The following MANBAL variants were observed in gnomAD, a reference collection of about 807,000 sequenced individuals.
The protein encoded by MANBAL is protein MANBAL.
Under a neutral mutation model 6.4 loss-of-function variants are expected in MANBAL, and 1 was observed. That is an observed-to-expected ratio of 0.16 (90% CI 0.06 to 0.74). The LOEUF (loss-of-function observed/expected upper bound fraction) is 0.74. Among genes scored for constraint, MANBAL ranks in the 30% least tolerant of loss-of-function variants. The probability of loss-of-function intolerance (pLI) is 0.78; values close to 1 mark genes in which losing one functional copy is unlikely to be tolerated. For missense variants in MANBAL, 100 were observed against 107.8 expected, an observed-to-expected ratio of 0.93 and a Z score of 0.32; for synonymous variants, 47 against 45.8, an observed-to-expected ratio of 1.03 and a Z score of -0.10.
intron 1 of MANBAL, among the ~76,000 whole-genome samples, chr20:37,290,923 T>C (rs1381426300): frequency 1.3e-5 from 2 of 152,208 alleles, no homozygotes; most frequent in African/African-American, 4.8e-5. Flanking sequence ...AACAGTAACT[T>C]CTGACACTGG....
intron 2 of MANBAL, among the ~76,000 whole-genome samples, chr20:37,309,723 G>C (rs2069339031): frequency 6.6e-6 from 1 of 152,154 alleles, no homozygotes; most frequent in Non-Finnish European, 1.5e-5. Context: ...GGCCTAGAAG[G>C]TCAGGACTCT....
intron 2 of MANBAL, among the ~76,000 whole-genome samples, chr20:37,312,797 C>CACCACGCCCAGCTGTTGTTATT (rs1310310831): frequency 6.6e-6 from 1 of 152,166 alleles, no homozygotes; most frequent in Non-Finnish European, 1.5e-5. Context: ...AAGCATGTGC[C>CACCACGCCCAGCTGTTGTTATT]ACCACGCCCA....
intron 1 of MANBAL, among the ~76,000 whole-genome samples, chr20:37,299,098 G>C (rs370695134): frequency 2.0e-5 from 3 of 151,128 alleles, no homozygotes; most frequent in Non-Finnish European, 4.4e-5. Context: ...AGGGTCGGGT[G>C]GGGGCAGGGT....
intron 2 of MANBAL, chr20:37,302,402 A>T (rs1010387079): frequency 6.6e-7 from 1 of 1,514,072 alleles, no homozygotes; most frequent in Non-Finnish European, 9.0e-7. Flanking sequence ...GCTGCTGCAC[A>T]TTTAGAGATT....
intron 1 of MANBAL, among the ~76,000 whole-genome samples, chr20:37,290,090 C>T (rs546913179): frequency 6.6e-6 from 1 of 152,310 alleles, no homozygotes; most frequent in South Asian, 2.1e-4. Flanking sequence ...CCCTCAGTTT[C>T]GTCTTCTAAA....
intron 2 of MANBAL, among the ~76,000 whole-genome samples, chr20:37,308,289 T>C (rs924348615): frequency 6.6e-6 from 1 of 152,122 alleles, no homozygotes; most frequent in Non-Finnish European, 1.5e-5. Context: ...CAGACAAAGC[T>C]GGGGTCTCCC....
At chr20:37,308,540 G>A (rs2069311021) in intron 2 of MANBAL, among the ~76,000 whole-genome samples, 1 of 152,166 alleles carries the variant, frequency 6.6e-6, no homozygotes, top group South Asian at 2.1e-4. Flanking sequence ...GGGAAGTCCT[G>A]GGATAGGTTT....
chr20:37,304,124 C>A (rs892670669), intron 2 of MANBAL, among the ~76,000 whole-genome samples: 9 of 152,180 alleles, frequency 5.9e-5, no homozygotes, highest in Admixed American at 5.2e-4. Flanking sequence ...AAATTTAAGA[C>A]TTCTTTGTGA....
chr20:37,298,812 A>G (rs2069063627), intron 1 of MANBAL: 1 of 151,202 alleles, frequency 6.6e-6, no homozygotes, highest in South Asian at 2.1e-4. Context: ...TCATTGGCTC[A>G]CTGCAGCCTA....
At chr20:37,294,324 C>T (rs2068943229) in intron 1 of MANBAL, among the ~76,000 whole-genome samples, 2 of 152,350 alleles carry the variant, frequency 1.3e-5, no homozygotes, top group Admixed American at 1.3e-4. Flanking sequence ...CAGCTACCAC[C>T]CTGGTGCAAA....
chr20:37,296,370 A>G (rs1181013976), intron 1 of MANBAL, among the ~76,000 whole-genome samples: 1 of 152,222 alleles, frequency 6.6e-6, no homozygotes, highest in African/African-American at 2.4e-5. Flanking sequence ...CTTAACAGCA[A>G]CTATTTATGT....
At chr20:37,304,333 T>C (rs2069208211) in intron 2 of MANBAL, among the ~76,000 whole-genome samples, 1 of 152,218 alleles carries the variant, frequency 6.6e-6, no homozygotes, top group Non-Finnish European at 1.5e-5. Flanking sequence ...TTATATACAA[T>C]ATTTCTCAAA....
intron 1 of MANBAL, among the ~76,000 whole-genome samples, chr20:37,293,532 C>G (rs2068920615): frequency 1.3e-5 from 2 of 152,128 alleles, no homozygotes; most frequent in Admixed American, 1.3e-4. Flanking sequence ...CTGCTGCTCA[C>G]CTCCTGCTGT....
chr20:37,299,090 G>A (rs1253607605), intron 1 of MANBAL, among the ~76,000 whole-genome samples: 1 of 150,716 alleles, frequency 6.6e-6, no homozygotes, highest in Non-Finnish European at 1.5e-5. Flanking sequence ...GTGGGGGCAG[G>A]GTCGGGTGGG....
chr20:37,299,857 GAA>G (rs1184405253), intron 1 of MANBAL, among the ~76,000 whole-genome samples: 1 of 152,222 alleles, frequency 6.6e-6, no homozygotes, highest in African/African-American at 2.4e-5. Flanking sequence ...CCAGGATTTT[GAA>G]AGAGCCCAGT....
intron 2 of MANBAL, among the ~76,000 whole-genome samples, chr20:37,305,679 CT>C (rs61317146): frequency 0.029 from 3,909 of 136,946 alleles, 34 homozygotes; most frequent in Middle Eastern, 0.07. Context: ...ACTGTTTTAA[CT>C]TTTTTTTTTT....
Position 37,294,752 on chromosome 20 carries a change from T to C in MANBAL, c.-57+5066T>C, listed in dbSNP as rs183149998. On this transcript the variant is annotated intron_variant, in intron 1 of 2. Coordinates refer to ENST00000373606, the MANE Select transcript of MANBAL (RefSeq NM_001003897.2). The stretch of plus-strand genomic sequence containing the variant: ...TTCTTCCTTCCTGTATGTATTGTAA[T>C]ACTCACCCCTGACATTGCATGTGTA... Among the ~76,000 whole-genome samples, 19 of 152,292 alleles carry C rather than the reference T, an allele frequency of 1.2e-4. No individual in the cohort carries two copies. In the East Asian group the frequency reaches 3.1e-3, roughly 25 times the overall value.
intron 2 of MANBAL, among the ~76,000 whole-genome samples, chr20:37,307,401 AAAT>A (rs1290357112): frequency 6.6e-6 from 1 of 152,232 alleles, no homozygotes; most frequent in East Asian, 1.9e-4. Context: ...GTTAAGTTTG[AAAT>A]AATAGCAAAA....
chr20:37,291,122 T>G (rs2068857506), intron 1 of MANBAL, among the ~76,000 whole-genome samples: 1 of 152,240 alleles, frequency 6.6e-6, no homozygotes, highest in Non-Finnish European at 1.5e-5. Context: ...AGAGCTATAC[T>G]TGTCTCAGTG....
Sources: gnomAD v4.1 joint callset for allele counts (sites outside exome capture counted in the v4.1 genomes callset) on GRCh38, gnomAD v4.1.1 for gene constraint, MANE v1.5 for transcripts, NCBI Gene and HGNC (gene_info 2026-07-23, HGNC 2026-07-21) for gene names.